Variants in ERBIN observed in about 807,000 individuals in gnomAD.
ERBIN encodes erbb2 interacting protein, also known as densin-180-like protein.
ERBIN carries 60 observed loss-of-function variants against 158.4 expected under a neutral mutation model. The observed-to-expected ratio is 0.38, with a 90% CI of 0.31 to 0.47. The LOEUF (loss-of-function observed/expected upper bound fraction) is 0.47, where lower values mean the gene tolerates loss of function less well. Among genes scored for constraint, ERBIN ranks in the 20% least tolerant of loss-of-function variants. ERBIN has a pLI of 0.99. For missense variants in ERBIN, 1,610 were observed against 1,648.0 expected (o/e 0.98, Z 0.40); for synonymous variants, 594 against 557.2 (o/e 1.07, Z -0.93).
intron 1 of ERBIN, among the ~76,000 whole-genome samples, chr5:65,985,332 C>T (rs1029967887): frequency 2.0e-5 from 3 of 152,180 alleles, no homozygotes; most frequent in African/African-American, 7.2e-5. Flanking sequence ...CCTTGTGATC[C>T]ACCTACTTCA....
At chr5:65,941,583 A>G (rs1745047386) in intron 1 of ERBIN, among the ~76,000 whole-genome samples, 1 of 151,854 alleles carries the variant, frequency 6.6e-6, no homozygotes. Context: ...AATGACAGTT[A>G]TTTTGAGCCT....
intron 1 of ERBIN, among the ~76,000 whole-genome samples, chr5:65,958,494 G>A (rs1336106424): frequency 1.3e-5 from 2 of 152,124 alleles, no homozygotes; most frequent in African/African-American, 2.4e-5. Flanking sequence ...GGCGGTGCGC[G>A]CCTGCAATCG....
intron 7 of ERBIN, among the ~76,000 whole-genome samples, chr5:66,016,746 T>C (rs1447777995): frequency 6.6e-6 from 1 of 152,030 alleles, no homozygotes; most frequent in Non-Finnish European, 1.5e-5. Context: ...CCAGAGTGGC[T>C]GGGACTATAA....
At chr5:66,010,032 A>T (rs1463825016) in intron 4 of ERBIN, among the ~76,000 whole-genome samples, 1 of 152,078 alleles carries the variant, frequency 6.6e-6, no homozygotes, top group African/African-American at 2.4e-5. Flanking sequence ...TGGGTATATC[A>T]GTTTGCATTC....
At chr5:66,034,389 A>G (rs1258385310) in intron 14 of ERBIN, among the ~76,000 whole-genome samples, 1 of 151,784 alleles carries the variant, frequency 6.6e-6, no homozygotes, top group Non-Finnish European at 1.5e-5. Context: ...TCCTGGGTCC[A>G]GGCAATTTTC....
At chr5:66,055,080 AAT>A in intron 21 of ERBIN, 129 bp downstream of exon 21, 1 of 1,415,330 alleles carries the variant, frequency 7.1e-7, no homozygotes, top group South Asian at 1.7e-5. Context: ...TGGTACTGGG[AAT>A]AGAGTTCCAA....
intron 25 of ERBIN, among the ~76,000 whole-genome samples, chr5:66,077,759 T>C (rs998808698): frequency 7.2e-6 from 1 of 139,288 alleles, no homozygotes; most frequent in Non-Finnish European, 1.6e-5. Context: ...TCCCTCCCTC[T>C]ACACACACAC....
chr5:66,053,903 G>A lies in ERBIN; in HGVS notation c.2585G>A (p.Gly862Asp). 6.2e-7 allele frequency: 1 copy of A among 1,614,114 alleles called. No individual in the cohort carries two copies. The highest frequency in any genetic ancestry group is 8.5e-7 in the Non-Finnish European group (1 of 1,179,996). The change falls in exon 21 of 26, where the codon GGT (glycine) becomes GAT (aspartate). Residue 862 changes from glycine (G) to aspartate (D), a missense_variant. By Grantham distance (94) the Gly-to-Asp change is moderately conservative. Coordinates refer to ENST00000284037, the MANE Select transcript of ERBIN (RefSeq NM_001253697.2). Reference sequence around the variant, plus strand: ...GAAGATCTCTCCCCTCAGAAAAGTGGTCCAGTTGGATCTGTTGTGAAATCT... The same window carrying A: ...GAAGATCTCTCCCCTCAGAAAAGTGATCCAGTTGGATCTGTTGTGAAATCT... ...STEDLSPQKS[G>D]PVGSVVKSHS...
chr5:66,081,293 A>G lies in ERBIN; in HGVS notation c.*2763A>G, dbSNP rs1391436065. Reference sequence around the variant, plus strand: ...TTCATCTGAATCAATGAAATTCTAAAATTCCCTACATATTTATTTTGTAAA... The same window carrying G: ...TTCATCTGAATCAATGAAATTCTAAGATTCCCTACATATTTATTTTGTAAA... On this transcript the variant is annotated 3_prime_UTR_variant, in exon 26 of 26. Transcript: ENST00000284037. The G allele has an allele frequency of 6.6e-6, 1 of 152,030 alleles. No homozygotes were observed. The highest frequency in any genetic ancestry group is 1.5e-5 in the Non-Finnish European group (1 of 67,896). The allele number at this position is 152,030 out of a possible 1,614,324, so 9.4% of individuals were successfully genotyped here.
At chr5:66,006,733 A>G (rs984003934) in intron 4 of ERBIN, among the ~76,000 whole-genome samples, 3 of 152,174 alleles carry the variant, frequency 2.0e-5, no homozygotes, top group African/African-American at 7.2e-5. Flanking sequence ...GGCAAAGCAT[A>G]TGAACAGACA....
intron 21 of ERBIN, among the ~76,000 whole-genome samples, chr5:66,061,926 T>A (rs904083217): frequency 3.3e-5 from 5 of 152,270 alleles, no homozygotes; most frequent in Non-Finnish European, 7.3e-5. Context: ...GTTAGTCTGA[T>A]GGGCTTCCCT....
chr5:65,930,972 C>T lies in ERBIN; in HGVS notation c.-58+4166C>T, dbSNP rs918703839. On this transcript the variant is annotated intron_variant, in intron 1 of 25. Coordinates refer to ENST00000284037, the MANE Select transcript of ERBIN (RefSeq NM_001253697.2). Reference sequence around the variant, plus strand: ...CAGACACCATTGAATGAAGGTCTTGCCAGGCTTTAAGTGATAGTGTGGAAG... The same window carrying T: ...CAGACACCATTGAATGAAGGTCTTGTCAGGCTTTAAGTGATAGTGTGGAAG... 5.3e-5 allele frequency among the ~76,000 whole-genome samples: 8 copies of T among 152,088 alleles called. No homozygotes were observed. The East Asian group carries it at 5.8e-4, about 11-fold the overall frequency.
chr5:66,026,180 C>G, intron 12 of ERBIN, 122 bp from the exon 13 acceptor site: 1 of 705,288 alleles, frequency 1.4e-6, no homozygotes, highest in Non-Finnish European at 2.2e-6. Flanking sequence ...AAAAGAAAGT[C>G]TAGTCATTAT....
At chr5:66,070,107 C>T (rs1382406441) in intron 21 of ERBIN, among the ~76,000 whole-genome samples, 4 of 152,032 alleles carry the variant, frequency 2.6e-5, no homozygotes, top group Non-Finnish European at 4.4e-5. Flanking sequence ...TGCAATGGCG[C>T]GATCTCAGCT....
chr5:66,065,282 G>A (rs773500040), intron 21 of ERBIN, among the ~76,000 whole-genome samples: 10 of 152,100 alleles, frequency 6.6e-5, no homozygotes, highest in Non-Finnish European at 8.8e-5. Context: ...ATTGTTTTAA[G>A]TAATGTTAAA....
intron 1 of ERBIN, among the ~76,000 whole-genome samples, chr5:65,962,337 A>G (rs566457587): frequency 3.3e-5 from 5 of 152,182 alleles, no homozygotes; most frequent in Non-Finnish European, 7.4e-5. Context: ...TTAAGCTACT[A>G]GAAAAATGTC....
intron 1 of ERBIN, among the ~76,000 whole-genome samples, chr5:65,985,806 C>T (rs911499375): frequency 6.6e-6 from 1 of 152,168 alleles, no homozygotes; most frequent in African/African-American, 2.4e-5. Flanking sequence ...GAATCCCTTC[C>T]AAATAGTGTT....
chr5:65,972,094 TGGG>T (rs1187301534), intron 1 of ERBIN, among the ~76,000 whole-genome samples: 2 of 152,020 alleles, frequency 1.3e-5, no homozygotes, highest in Non-Finnish European at 2.9e-5. Context: ...CATTGTGAAT[TGGG>T]GGGCTATTCC....
intron 4 of ERBIN, among the ~76,000 whole-genome samples, chr5:66,005,359 A>G (rs1753473153): frequency 6.6e-6 from 1 of 152,206 alleles, no homozygotes. Flanking sequence ...AATTTTTAAT[A>G]GAAAAAATCA....
Sources: allele counts gnomAD v4.1 joint callset (sites outside exome capture counted in the v4.1 genomes callset), GRCh38; gene constraint gnomAD v4.1.1; transcripts MANE v1.5; gene names NCBI Gene and HGNC (gene_info 2026-07-23, HGNC 2026-07-21).